RUFY3: variants seen among roughly 807,000 people sequenced by gnomAD.
RUFY3 encodes protein RUFY3.
In RUFY3, 34 loss-of-function variants were observed where a neutral mutation model predicts 84.0. That is an observed-to-expected ratio of 0.40 (90% CI 0.31 to 0.54). RUFY3 has a LOEUF of 0.54. RUFY3 is among the 20% of genes least tolerant of loss of function. The pLI is 0.39. For synonymous variants in RUFY3, 242 were observed against 252.9 expected (o/e 0.96, Z 0.41); for missense variants, 507 against 736.8 (o/e 0.69, Z 3.61).
chr4:70,764,944 G>A (rs902987997), intron 4 of RUFY3, among the ~76,000 whole-genome samples: 38 of 152,144 alleles, frequency 2.5e-4, no homozygotes, highest in African/African-American at 8.0e-4. Flanking sequence ...CCAGCATTTC[G>A]GGAGGCCAAG....
chr4:70,805,215 C>G (rs995281026), intron 17 of RUFY3, among the ~76,000 whole-genome samples: 1 of 152,242 alleles, frequency 6.6e-6, no homozygotes, highest in African/African-American at 2.4e-5. Context: ...ACAGTCCTTT[C>G]AGCACTTTAT....
intron 12 of RUFY3, chr4:70,793,270 T>C (rs1731090951): frequency 2.0e-6 from 2 of 991,572 alleles, no homozygotes; most frequent in Admixed American, 6.1e-5. Flanking sequence ...AGGGTTGATA[T>C]ATAATGTCCC....
At chr4:70,798,482 T>C (rs1289860492) in intron 14 of RUFY3, among the ~76,000 whole-genome samples, 1 of 152,010 alleles carries the variant, frequency 6.6e-6, no homozygotes, top group African/African-American at 2.4e-5. Context: ...CAGAAAAAAA[T>C]GTAGCCCTTA....
intron 1 of RUFY3, among the ~76,000 whole-genome samples, chr4:70,727,753 C>CTCCA (rs1422370288): frequency 6.7e-6 from 1 of 148,984 alleles, no homozygotes; most frequent in African/African-American, 2.5e-5. Flanking sequence ...TGCCACTGCA[C>CTCCA]TCCAGCCTGG....
intron 4 of RUFY3, among the ~76,000 whole-genome samples, chr4:70,767,417 C>T (rs1032496854): frequency 6.6e-6 from 1 of 151,246 alleles, no homozygotes; most frequent in African/African-American, 2.4e-5. Flanking sequence ...GCGATAGCTC[C>T]CTTTTTTTAG....
chr4:70,722,469 C>T lies in RUFY3; in HGVS notation c.-105C>T. ...TTTTCCTGAAAGCTTTGTTTCAGAG[C>T]TTTGTATTGGGTTTTTTTGGTGAGG... On this transcript the variant is annotated 5_prime_UTR_variant, in exon 1 of 18. Coordinates refer to ENST00000381006, the MANE Select transcript of RUFY3 (RefSeq NM_001037442.4). 7 of 1,381,258 alleles carry T rather than the reference C, an allele frequency of 5.1e-6. No individual in the cohort carries two copies. The highest frequency in any genetic ancestry group is 2.0e-5 in the South Asian group (1 of 51,226). The allele number at this position is 1,381,258 out of a possible 1,614,324, so 85.6% of individuals were successfully genotyped here.
intron 5 of RUFY3, among the ~76,000 whole-genome samples, chr4:70,770,538 G>A (rs2148728747): frequency 6.6e-6 from 1 of 152,280 alleles, no homozygotes; most frequent in South Asian, 2.1e-4. Flanking sequence ...CTTTTCCTCT[G>A]CAGCTTTTTT....
At chr4:70,712,129 G>T (rs1741064274) in intron 1 of RUFY3, among the ~76,000 whole-genome samples, 2 of 152,076 alleles carry the variant, frequency 1.3e-5, no homozygotes, top group Admixed American at 1.3e-4. Context: ...ACACTAGAGA[G>T]TCCTAAAAGG....
intron 1 of RUFY3, among the ~76,000 whole-genome samples, chr4:70,747,343 T>G (rs1722389549): frequency 6.6e-6 from 1 of 152,168 alleles, no homozygotes; most frequent in Non-Finnish European, 1.5e-5. Flanking sequence ...AACAAAAGTT[T>G]CATGAAACAA....
Position 70,763,553 on chromosome 4 carries a change from T to TA in RUFY3, c.361dup (p.Thr121AsnfsTer7), listed in dbSNP as rs1261126780. The stretch of plus-strand genomic sequence containing the variant: ...ACTGCTTTATTTTTGTTGCCTTAGC[T>TA]AAAAAAACTTTTCTCGGACAAAATA... On this transcript the variant is annotated frameshift_variant and splice_region_variant, in exon 3 of 18. Coordinates refer to ENST00000381006, the MANE Select transcript of RUFY3 (RefSeq NM_001037442.4). LOFTEE classifies it high-confidence loss of function. 5 of 1,604,282 alleles carry TA rather than the reference T, an allele frequency of 3.1e-6. No homozygotes were observed. The highest frequency in any genetic ancestry group is 2.5e-6 in the Non-Finnish European group (3 of 1,177,270).
chr4:70,706,189 A>C (rs1740320021), intron 1 of RUFY3, among the ~76,000 whole-genome samples: 1 of 152,198 alleles, frequency 6.6e-6, no homozygotes, highest in South Asian at 2.1e-4. Flanking sequence ...AATGTGGCTG[A>C]CGATACAAGG....
chr4:70,778,410 A>G lies in RUFY3; in HGVS notation c.866A>G (p.Glu289Gly). 1 of 1,604,770 alleles carries G rather than the reference A, an allele frequency of 6.2e-7. No homozygotes were observed. Among genetic ancestry groups the G allele is most frequent in the Non-Finnish European group, 8.5e-7 (1 of 1,172,068 alleles). The change falls in exon 8 of 18, where the codon GAA becomes GGA. Residue 289 changes from glutamate (E) to glycine (G), a missense_variant. Coordinates refer to ENST00000381006, the MANE Select transcript of RUFY3 (RefSeq NM_001037442.4). ...CTTCAGGCAAAAGTAGATGCATTAG[A>G]AAAATCCAACACTAAACTGACAGAG... is the stretch of plus-strand genomic sequence containing the variant. ...NNLQAKVDAL[E>G]KSNTKLTEEL...
rs766416355 is a variant in RUFY3, at chr4:70,789,553, C to G, written c.1298C>G (p.Thr433Ser). Reference protein sequence around the residue: ...SELNSRLEEKTNQMAATIKQL... With the variant: ...SELNSRLEEKSNQMAATIKQL... ...CTAAACAGTCGCTTGGAAGAGAAGA[C>G]TAATCAGATGGCTGCTACCATTAAA... The change falls in exon 12 of 18, where the codon ACT becomes AGT. Residue 433 changes from threonine to serine, a missense_variant. Physicochemically the swap from Thr to Ser is moderately conservative, Grantham distance 58. Around this residue, in one of 4 missense-constraint regions of RUFY3, gnomAD observed 334 missense variants for 364.1 expected, o/e 0.92. Coordinates refer to ENST00000381006, the MANE Select transcript of RUFY3 (RefSeq NM_001037442.4). 9.3e-6 allele frequency: 15 copies of G among 1,612,818 alleles called. No individual in the cohort carries two copies. The highest frequency in any genetic ancestry group is 1.7e-6 in the Non-Finnish European group (2 of 1,179,314).
chr4:70,788,735 C>T, intron 10 of RUFY3, 71 bp from the exon 11 acceptor site: 1 of 1,517,068 alleles, frequency 6.6e-7, no homozygotes, highest in East Asian at 2.3e-5. Flanking sequence ...GTACTTTTTC[C>T]TGTGAAATAT....
intron 1 of RUFY3, among the ~76,000 whole-genome samples, chr4:70,715,547 G>A (rs1242435690): frequency 6.4e-5 from 9 of 140,646 alleles, no homozygotes; most frequent in African/African-American, 1.9e-4. Context: ...AGCCGAGATC[G>A]TGCCACTGCA....
chr4:70,793,351 G>A (rs1731101070), intron 12 of RUFY3: 10 of 1,015,242 alleles, frequency 9.8e-6, no homozygotes, highest in Non-Finnish European at 1.1e-5. Context: ...GAAGGTAGTT[G>A]CCCATTTACA....
At chr4:70,711,343 T>C (rs573657808) in intron 1 of RUFY3, among the ~76,000 whole-genome samples, 13 of 152,218 alleles carry the variant, frequency 8.5e-5, no homozygotes, top group South Asian at 8.3e-4. Flanking sequence ...TTTGTAAACA[T>C]AGAGGCGTCT....
intron 1 of RUFY3, among the ~76,000 whole-genome samples, chr4:70,714,539 G>A (rs1402296834): frequency 6.6e-6 from 1 of 152,194 alleles, no homozygotes; most frequent in South Asian, 2.1e-4. Context: ...GTGTTAGACT[G>A]ACCTGTTTGT....
At chr4:70,770,444 C>T (rs943167945) in intron 5 of RUFY3, among the ~76,000 whole-genome samples, 2 of 152,232 alleles carry the variant, frequency 1.3e-5, no homozygotes, top group African/African-American at 4.8e-5. Flanking sequence ...TTATTTACAT[C>T]AGTGCTTGCT....
Sources: allele counts gnomAD v4.1 joint callset (sites outside exome capture counted in the v4.1 genomes callset), GRCh38; gene constraint gnomAD v4.1.1; regional missense constraint gnomAD v4.1.1; transcripts MANE v1.5; gene names NCBI Gene and HGNC (gene_info 2026-07-23, HGNC 2026-07-21).